Variants in COBLL1 observed in about 807,000 individuals in gnomAD.
COBLL1 encodes cordon-bleu protein-like 1.
COBLL1 carries 50 observed loss-of-function variants against 94.8 expected under a neutral mutation model. That is an observed-to-expected ratio of 0.53 (90% CI 0.42 to 0.67). The LOEUF is 0.67. Among genes scored for constraint, COBLL1 ranks in the 30% least tolerant of loss-of-function variants. The probability of loss-of-function intolerance (pLI) is 0.00; values close to 1 mark genes in which losing one functional copy is unlikely to be tolerated. For missense variants in COBLL1, 1,362 were observed against 1,348.7 expected, an observed-to-expected ratio of 1.01 and a Z score of -0.15; for synonymous variants, 448 against 473.8, an observed-to-expected ratio of 0.95 and a Z score of 0.71.
chr2:164,818,224 A>G (rs1309210386), intron 2 of COBLL1, among the ~76,000 whole-genome samples: 1 of 131,618 alleles, frequency 7.6e-6, no homozygotes. Context: ...ATATACATAT[A>G]TACATATGCA....
At chr2:164,689,488 G>A (rs558933438) in intron 13 of COBLL1, among the ~76,000 whole-genome samples, 1 of 152,180 alleles carries the variant, frequency 6.6e-6, no homozygotes, top group East Asian at 1.9e-4. Flanking sequence ...AGAAACATAA[G>A]ACTTAAGCAA....
At chr2:164,728,417 C>A (rs552482398) in intron 4 of COBLL1, among the ~76,000 whole-genome samples, 2 of 151,990 alleles carry the variant, frequency 1.3e-5, no homozygotes, top group Non-Finnish European at 1.5e-5. Context: ...ATAATCCAAC[C>A]ATTCTATAGT....
rs529048258 is a variant in COBLL1, at chr2:164,665,429, A to C, written n.181+418T>G. Among the ~76,000 whole-genome samples, 10 of 152,056 alleles carry C rather than the reference A, an allele frequency of 6.6e-5. No homozygotes were observed. In the South Asian group the frequency reaches 2.1e-3, roughly 32 times the overall value. On this transcript the variant is annotated intron_variant and non_coding_transcript_variant, in intron 2 of 2. Transcript: ENST00000495084. Reference sequence around the variant, plus strand: ...TTGATGGTCACGAAAAACAGTCAGTAACAGGAAAGAGTAACGTAAGTGTCT... The same window carrying C: ...TTGATGGTCACGAAAAACAGTCAGTCACAGGAAAGAGTAACGTAAGTGTCT...
chr2:164,726,114 A>AT (rs369733238), intron 5 of COBLL1, among the ~76,000 whole-genome samples: 368 of 152,330 alleles, frequency 2.4e-3, no homozygotes, highest in African/African-American at 8.1e-3. Flanking sequence ...TGGAAGGGAT[A>AT]TTAGAAATCA....
At chr2:164,819,102 C>T (rs982348483) in intron 2 of COBLL1, among the ~76,000 whole-genome samples, 1 of 151,974 alleles carries the variant, frequency 6.6e-6, no homozygotes, top group Non-Finnish European at 1.5e-5. Context: ...CTATCATAAA[C>T]TTAAAGTAAT....
rs146361383 is a variant in COBLL1 at position 164,697,306 on chromosome 2, G to T, written c.1556-1470C>A. 4.6e-5 allele frequency: 7 copies of T among 152,098 alleles called. No individual in the cohort carries two copies. In the East Asian group the frequency reaches 1.4e-3, roughly 29 times the overall value. The allele number at this position is 152,098 out of a possible 1,614,324, so 9.4% of individuals were successfully genotyped here. A position where few individuals can be genotyped will look rare whatever the true frequency, so the allele number is the denominator to read the frequency against. On this transcript the variant is annotated intron_variant, in intron 11 of 13. Coordinates refer to ENST00000652658, the MANE Select transcript of COBLL1 (RefSeq NM_001365672.2). The stretch of plus-strand genomic sequence containing the variant: ...TATCAGAATACGTACCATCTACTTA[G>T]GTGAATTCTTTTCTCAATGACCAAT...
intron 9 of COBLL1, among the ~76,000 whole-genome samples, chr2:164,702,575 A>AAATAATAAT (rs1273369266): frequency 2.3e-4 from 31 of 135,066 alleles, no homozygotes; most frequent in African/African-American, 4.5e-4. Context: ...AAAAAAAAAA[A>AAATAATAAT]AATAATAATA....
Position 164,700,624 on chromosome 2 carries a change from T to C in COBLL1, c.1358A>G (p.Asn453Ser). Residue 453 changes from asparagine (N) to serine (S), a missense_variant, in exon 10 of 14, where the codon AAT becomes AGT. Transcript: ENST00000652658. ...TGAGTCAGGATCATTTTTCAGTGTATTTATTATATCAGTAGATACAAAAGG... is the reference window on the plus strand; with the variant it reads ...TGAGTCAGGATCATTTTTCAGTGTACTTATTATATCAGTAGATACAAAAGG... The part of the protein sequence containing the change: ...DIPFVSTDII[N>S]TLKNDPDSAL... The C allele has an allele frequency of 1.2e-6, 2 of 1,613,562 alleles. No homozygotes were observed. The highest frequency in any genetic ancestry group is 1.7e-6 in the Non-Finnish European group (2 of 1,179,560).
At chr2:164,701,631 C>T (rs1343228554) in intron 9 of COBLL1, among the ~76,000 whole-genome samples, 1 of 151,768 alleles carries the variant, frequency 6.6e-6, no homozygotes, top group Non-Finnish European at 1.5e-5. Context: ...TATGTTTACA[C>T]ATAAATATTT....
intron 2 of COBLL1, among the ~76,000 whole-genome samples, chr2:164,766,774 T>C (rs1016552334): frequency 2.0e-5 from 3 of 152,146 alleles, no homozygotes; most frequent in African/African-American, 7.2e-5. Flanking sequence ...TCCATGCACA[T>C]GGAAATAGTT....
chr2:164,818,605 G>GTACATATGTACACATATATGGCGTATA (rs1559046651), intron 2 of COBLL1, among the ~76,000 whole-genome samples: 16 of 138,230 alleles, frequency 1.2e-4, no homozygotes, highest in Admixed American at 2.2e-4. Flanking sequence ...TATAGCATAT[G>GTACATATGTACACATATATGGCGTATA]TGTACATATG....
At chr2:164,805,384 C>T (rs953210167) in intron 2 of COBLL1, among the ~76,000 whole-genome samples, 1 of 103,466 alleles carries the variant, frequency 9.7e-6, no homozygotes, top group Non-Finnish European at 1.9e-5. Context: ...TCATAGTTTA[C>T]ATTAGGGTTC....
intron 2 of COBLL1, among the ~76,000 whole-genome samples, chr2:164,756,460 T>C (rs888494747): frequency 9.2e-5 from 14 of 152,208 alleles, no homozygotes; most frequent in African/African-American, 3.4e-4. Context: ...TTTCTATTTT[T>C]TGTTTTGCTT....
At position 164,682,997 on chromosome 2, in the gene COBLL1, AACACACATACAC is replaced by A. The variant is rs1683106748; in HGVS notation, c.*2937_*2948del. On this transcript the variant is annotated 3_prime_UTR_variant, in exon 14 of 14. Coordinates refer to ENST00000652658, the MANE Select transcript of COBLL1 (RefSeq NM_001365672.2). ...AGTGTGACCTCCTTTCATGTTAAGA[AACACACATACAC>A]ACACACACACACACACACACACACA... is the stretch of plus-strand genomic sequence containing the variant. 1.7e-5 allele frequency: 2 copies of A among 120,644 alleles called. No homozygotes were observed. Among genetic ancestry groups the A allele is most frequent in the African/African-American group, 7.3e-5 (2 of 27,580 alleles). 7.5% of individuals were successfully genotyped at this position (120,644 alleles called of 1,614,324 possible). A position where few individuals can be genotyped will look rare whatever the true frequency, so the allele number is the denominator to read the frequency against.
intron 2 of COBLL1, among the ~76,000 whole-genome samples, chr2:164,754,577 C>T (rs2105596269): frequency 6.6e-6 from 1 of 152,298 alleles, no homozygotes; most frequent in African/African-American, 2.4e-5. Flanking sequence ...GCAGTCTCAT[C>T]ACTCAACCAG....
chr2:164,695,212 G>C lies in COBLL1; in HGVS notation c.2180C>G (p.Pro727Arg), dbSNP rs753500318. ...TTTATAAGTAGTCATGCCAATTTTG[G>C]GTATATACTCTCGTGTAATTTCATT... is the stretch of plus-strand genomic sequence containing the variant. ...PSNEITREYI[P>R]KIGMTTYKIV... is the part of the protein sequence containing the mutation. The change falls in exon 12 of 14, where the codon CCC (proline) becomes CGC (arginine). Residue 727 changes from proline to arginine, a missense_variant. By Grantham distance (103) the Pro-to-Arg change is moderately radical. Coordinates refer to ENST00000652658, the MANE Select transcript of COBLL1 (RefSeq NM_001365672.2). 6 of 1,613,816 alleles carry C rather than the reference G, an allele frequency of 3.7e-6. No homozygotes were observed. In the Admixed American group the frequency reaches 1.0e-4, roughly 27 times the overall value.
chr2:164,671,440 G>A (rs1400991242), intron 1 of COBLL1, among the ~76,000 whole-genome samples: 4 of 152,024 alleles, frequency 2.6e-5, no homozygotes, highest in Non-Finnish European at 5.9e-5. Flanking sequence ...CAGATTTTAT[G>A]TGCAAAAACA....
At chr2:164,815,421 C>T (rs1684680322) in intron 2 of COBLL1, among the ~76,000 whole-genome samples, 1 of 148,798 alleles carries the variant, frequency 6.7e-6, no homozygotes, top group Non-Finnish European at 1.5e-5. Flanking sequence ...AAAAAAGATT[C>T]ACAGAAATGC....
At chr2:164,760,579 G>T (rs355833) in intron 2 of COBLL1, among the ~76,000 whole-genome samples, 35,206 of 151,956 alleles carry the variant, frequency 0.23, 4,745 homozygotes, top group African/African-American at 0.37. Context: ...TCAGAATAAG[G>T]TCTGTACCTG....
Sources: allele counts gnomAD v4.1 joint callset (sites outside exome capture counted in the v4.1 genomes callset), GRCh38; gene constraint gnomAD v4.1.1; transcripts MANE v1.5; gene names NCBI Gene and HGNC (gene_info 2026-07-23, HGNC 2026-07-21).